The following PCDH11X variants were observed in gnomAD, a reference collection of about 807,000 sequenced individuals.
The protein encoded by PCDH11X is protocadherin-11 X-linked.
Under a neutral mutation model 53.3 loss-of-function variants are expected in PCDH11X, and 18 were observed. The ratio of observed to expected loss-of-function variants is 0.34; its 90% CI spans 0.23 to 0.50. The LOEUF is 0.50. Among genes scored for constraint, PCDH11X ranks in the 20% least tolerant of loss-of-function variants. The pLI is 0.98. For missense variants in PCDH11X, 570 were observed against 1,032.4 expected, an observed-to-expected ratio of 0.55 and a Z score of 6.14; for synonymous variants, 279 against 393.3, an observed-to-expected ratio of 0.71 and a Z score of 3.44.
intron 8 of PCDH11X, among the ~76,000 whole-genome samples, chrX:92,322,727 A>G: frequency 8.9e-6 from 1 of 111,889 alleles, no homozygotes; most frequent in Middle Eastern, 4.7e-3. Flanking sequence ...AACACTCATA[A>G]AGTCTATTGC....
At chrX:92,609,490 A>C (rs576495344) in intron 10 of PCDH11X, among the ~76,000 whole-genome samples, 1 of 111,611 alleles carries the variant, frequency 9.0e-6, no homozygotes, top group Admixed American at 9.5e-5. Context: ...GCATTTCTTT[A>C]ATGTCTGACT....
intron 9 of PCDH11X, among the ~76,000 whole-genome samples, chrX:92,433,819 T>C (rs1430712854): frequency 1.8e-5 from 2 of 111,384 alleles, no homozygotes; most frequent in African/African-American, 3.3e-5. Context: ...TCGTTTTTGT[T>C]GATATATCAA....
chrX:92,223,512 G>A (rs940785515), intron 7 of PCDH11X, among the ~76,000 whole-genome samples: 2 of 111,922 alleles, frequency 1.8e-5, no homozygotes, highest in African/African-American at 6.5e-5. Context: ...TACTCACTTA[G>A]TGTTCTTCAT....
chrX:91,892,012 GGTGTGTGTGTGTGT>G (rs367707799), intron 6 of PCDH11X, among the ~76,000 whole-genome samples: 5 of 83,082 alleles, frequency 6.0e-5, no homozygotes, highest in African/African-American at 2.2e-4. Flanking sequence ...TAATTAGAGG[GGTGTGTGTGTGTGT>G]GTGTGTGTGT....
chrX:92,537,666 AC>A (rs1465297433), intron 10 of PCDH11X, among the ~76,000 whole-genome samples: 22 of 103,458 alleles, frequency 2.1e-4, no homozygotes, highest in East Asian at 1.2e-3. Context: ...AAAAAAAAAA[AC>A]CAGACATATA....
rs775331982 is a variant in PCDH11X, at chrX:92,238,958, C to A, written c.3115-24156C>A. On this transcript the variant is annotated intron_variant, in intron 7 of 10. Coordinates refer to ENST00000682573, the MANE Select transcript of PCDH11X (RefSeq NM_032968.5). ...AATTTATTTTTCATGTTTTTTTTTC[C>A]ATCCACAGATTGATATGTTACCTTT... 5.4e-5 allele frequency among the ~76,000 whole-genome samples: 6 copies of A among 110,617 alleles called. No individual in the cohort carries two copies. In the East Asian group the frequency reaches 1.7e-3, roughly 31 times the overall value.
At chrX:92,016,050 A>G (rs1237757137) in intron 6 of PCDH11X, among the ~76,000 whole-genome samples, 1 of 112,553 alleles carries the variant, frequency 8.9e-6, no homozygotes, top group Non-Finnish European at 1.9e-5. Flanking sequence ...ATTTCCTTTT[A>G]TATCTTTTTC....
rs1385899007 is a variant in PCDH11X at position 92,217,227 on chromosome X, T to C, written c.3114+15772T>C. 6.3e-5 allele frequency among the ~76,000 whole-genome samples: 7 copies of C among 111,060 alleles called. No homozygotes were observed. In the East Asian group the frequency reaches 2.0e-3, roughly 32 times the overall value. On this transcript the variant is annotated intron_variant, in intron 7 of 10. Transcript: ENST00000682573. Reference sequence around the variant, plus strand: ...ATATTAACTTTAAATGTAAATGGACTAAATGCTCCAATTAAAAGACACAGA... The same window carrying C: ...ATATTAACTTTAAATGTAAATGGACCAAATGCTCCAATTAAAAGACACAGA...
At chrX:91,802,609 T>C (rs973172385) in intron 1 of PCDH11X, among the ~76,000 whole-genome samples, 12 of 111,886 alleles carry the variant, frequency 1.1e-4, no homozygotes, top group Admixed American at 3.8e-4. Context: ...GGAATAAATC[T>C]TTACTTATTG....
intron 10 of PCDH11X, among the ~76,000 whole-genome samples, chrX:92,495,669 T>G (rs1366177640): frequency 9.2e-6 from 1 of 108,965 alleles, no homozygotes; most frequent in African/African-American, 3.4e-5. Flanking sequence ...AGACTGGGAA[T>G]AAAAAGAGGT....
chrX:92,076,240 T>A (rs1023721230), intron 6 of PCDH11X, among the ~76,000 whole-genome samples: 1 of 108,585 alleles, frequency 9.2e-6, no homozygotes, highest in African/African-American at 3.4e-5. Context: ...CTAAAAAAGG[T>A]CTTGCATCGT....
chrX:92,134,578 G>C (rs2065053301), intron 6 of PCDH11X, among the ~76,000 whole-genome samples: 1 of 110,975 alleles, frequency 9.0e-6, no homozygotes, highest in Non-Finnish European at 1.9e-5. Flanking sequence ...TCTTGTGCAA[G>C]AAAAAATTTG....
chrX:92,192,548 C>T (rs1267225027), intron 6 of PCDH11X, among the ~76,000 whole-genome samples: 1 of 109,780 alleles, frequency 9.1e-6, no homozygotes, highest in Non-Finnish European at 1.9e-5. Flanking sequence ...GGGGTTTTAC[C>T]ATGTTGGCTA....
chrX:92,240,840 T>C (rs960149099), intron 7 of PCDH11X, among the ~76,000 whole-genome samples: 7 of 100,246 alleles, frequency 7.0e-5, no homozygotes, highest in Non-Finnish European at 1.2e-4. Context: ...AATAAACTAC[T>C]TTTTTTTTTT....
At chrX:92,503,000 G>A (rs1157555184) in intron 10 of PCDH11X, among the ~76,000 whole-genome samples, 1 of 106,420 alleles carries the variant, frequency 9.4e-6, no homozygotes, top group Non-Finnish European at 1.9e-5. Context: ...CTAATATCTA[G>A]AATCTACAAG....
At chrX:92,216,831 C>T (rs2066727819) in intron 7 of PCDH11X, among the ~76,000 whole-genome samples, 1 of 103,304 alleles carries the variant, frequency 9.7e-6, no homozygotes, top group Non-Finnish European at 2.0e-5. Context: ...AAAGGGAAGC[C>T]CATCAGACTA....
intron 10 of PCDH11X, among the ~76,000 whole-genome samples, chrX:92,582,450 T>A (rs1474752795): frequency 2.7e-5 from 3 of 109,356 alleles, no homozygotes; most frequent in Non-Finnish European, 5.7e-5. Context: ...TTCCACGTGG[T>A]GTTGAGCCTG....
Position 92,605,182 on chromosome X carries a change from A to G in PCDH11X, c.3368-13082A>G, listed in dbSNP as rs189414305. Among the ~76,000 whole-genome samples the G allele has an allele frequency of 5.3e-3, 587 of 109,779 alleles. 8 individuals are homozygous for G. The highest frequency in any genetic ancestry group is 0.019 in the African/African-American group (553 of 29,729). ...ATGGTAGGCTATAAAAGAAGCCTCA[A>G]TAATTTGAAAAGATTGAACTCATCC... On this transcript the variant is annotated intron_variant, in intron 10 of 10. Transcript: ENST00000682573.
Position 92,077,196 on chromosome X carries a change from G to A in PCDH11X, c.3034-124179G>A, listed in dbSNP as rs551515669. 3.2e-4 allele frequency among the ~76,000 whole-genome samples: 35 copies of A among 110,860 alleles called. No individual in the cohort carries two copies. The South Asian group carries it at 0.011, about 34-fold the overall frequency. ...ACTTTGAGGACAAAGAGGTAAGCCA[G>A]CCCCACAATCACAGTAAACTTTGAA... On this transcript the variant is annotated intron_variant, in intron 6 of 10. Coordinates refer to ENST00000682573, the MANE Select transcript of PCDH11X (RefSeq NM_032968.5).
Sources: gnomAD v4.1 joint callset for allele counts (sites outside exome capture counted in the v4.1 genomes callset) on GRCh38, gnomAD v4.1.1 for gene constraint, MANE v1.5 for transcripts, NCBI Gene and HGNC (gene_info 2026-07-23, HGNC 2026-07-21) for gene names.